CATSPERD: variants seen among roughly 807,000 people sequenced by gnomAD.
CATSPERD encodes catsper channel auxiliary subunit delta, also known as cation channel sperm-associated auxiliary subunit delta.
CATSPERD carries 86 observed loss-of-function variants against 98.1 expected under a neutral mutation model. The ratio of observed to expected loss-of-function variants is 0.88; its 90% CI spans 0.74 to 1.05. The LOEUF is 1.05. Ranked by LOEUF, CATSPERD falls within the 50% of genes least tolerant of loss-of-function variation. The probability of loss-of-function intolerance (pLI) is 0.00; values close to 1 mark genes in which losing one functional copy is unlikely to be tolerated. For missense variants in CATSPERD, 995 were observed against 1,005.7 expected (o/e 0.99, Z 0.14); for synonymous variants, 394 against 390.2 (o/e 1.01, Z -0.12).
At chr19:5,745,844 C>T in intron 8 of CATSPERD, 69 bp from the exon 9 acceptor site, 2 of 1,514,446 alleles carry the variant, frequency 1.3e-6, no homozygotes, top group South Asian at 2.5e-5. Flanking sequence ...CTCCTCTTCC[C>T]TCATTAGGAC....
intron 14 of CATSPERD, among the ~76,000 whole-genome samples, chr19:5,758,827 G>C (rs2056377508): frequency 6.6e-6 from 1 of 151,396 alleles, no homozygotes; most frequent in South Asian, 2.1e-4. Context: ...GGGAGGATGA[G>C]GCAGGAGAAT....
At chr19:5,739,482 A>T in intron 7 of CATSPERD, 43 bp downstream of exon 7, 2 of 1,117,172 alleles carry the variant, frequency 1.8e-6, no homozygotes, top group Non-Finnish European at 1.3e-6. Flanking sequence ...ATACATATGT[A>T]CCTTGTGATT....
intron 16 of CATSPERD, among the ~76,000 whole-genome samples, chr19:5,764,961 C>T (rs563008073): frequency 4.6e-5 from 7 of 151,922 alleles, no homozygotes; most frequent in Admixed American, 1.3e-4. Flanking sequence ...CCCAGGCTGC[C>T]GCACAGTAGC....
intron 13 of CATSPERD, among the ~76,000 whole-genome samples, chr19:5,757,276 A>T (rs2056340920): frequency 1.3e-5 from 2 of 148,164 alleles, no homozygotes; most frequent in African/African-American, 5.0e-5. Context: ...AGAAAATAAT[A>T]AATAAATGCA....
chr19:5,775,997 A>C (rs1226475076), intron 20 of CATSPERD, among the ~76,000 whole-genome samples, 164 bp from the exon 21 acceptor site: 1 of 152,096 alleles, frequency 6.6e-6, no homozygotes, highest in African/African-American at 2.4e-5. Context: ...TCTTCTCTGC[A>C]GGGAGCATGA....
intron 15 of CATSPERD, among the ~76,000 whole-genome samples, chr19:5,760,962 T>C (rs2056422196): frequency 1.3e-5 from 2 of 151,952 alleles, no homozygotes; most frequent in South Asian, 4.1e-4. Flanking sequence ...AATTTCTGAA[T>C]GCTGACTGAA....
At position 5,749,179 on chromosome 19, in the gene CATSPERD, TC is replaced by T; in HGVS notation, c.984del (p.Lys329AsnfsTer14). 3.1e-6 allele frequency: 5 copies of T among 1,610,626 alleles called. No homozygotes were observed. Among genetic ancestry groups the T allele is most frequent in the Non-Finnish European group, 4.2e-6 (5 of 1,178,068 alleles). On this transcript the variant is annotated frameshift_variant, in exon 11 of 22. Coordinates refer to ENST00000381624, the MANE Select transcript of CATSPERD (RefSeq NM_152784.4). LOFTEE classifies it high-confidence loss of function. ...CTGGGCATCGTGCCAAGTTCCATAA[TC>T]AAAGTAGGTAAAAAGAAAGTGGGGT... ...GNLGIVPSSI[I>X]KFADQYIWSE...
chr19:5,776,063 A>T, intron 20 of CATSPERD, 98 bp from the exon 21 acceptor site: 1 of 1,312,278 alleles, frequency 7.6e-7, no homozygotes, highest in South Asian at 1.4e-5. Context: ...GTGCCTAATG[A>T]GGACTGGGGT....
rs2056016963 is a variant in CATSPERD, at chr19:5,742,902, G to A, written c.574-1525G>A. On this transcript the variant is annotated intron_variant, in intron 7 of 21. Transcript: ENST00000381624. ...ATGGGATAGGTGGAGGGAGGGTCTT[G>A]AAGGCAGGTAGAATAATAGACCCCC... Among the ~76,000 whole-genome samples, 4 of 152,226 alleles carry A rather than the reference G, an allele frequency of 2.6e-5. No homozygotes were observed. In the South Asian group the frequency reaches 8.3e-4, roughly 31 times the overall value.
At chr19:5,739,530 C>A in intron 7 of CATSPERD, 91 bp downstream of exon 7, 1 of 753,290 alleles carries the variant, frequency 1.3e-6, no homozygotes. Context: ...AGGGTGTTTT[C>A]CTCTTTAAGA....
At chr19:5,725,861 C>T (rs1428710940) in intron 2 of CATSPERD, among the ~76,000 whole-genome samples, 1 of 151,894 alleles carries the variant, frequency 6.6e-6, no homozygotes, top group African/African-American at 2.4e-5. Flanking sequence ...GATCGTGCCA[C>T]TGCACTCCAG....
chr19:5,774,715 AAAAT>A (rs200314328), intron 20 of CATSPERD, among the ~76,000 whole-genome samples: 4,853 of 148,500 alleles, frequency 0.033, 111 homozygotes, highest in African/African-American at 0.057. Context: ...ATAAAATTTA[AAAAT>A]AAATAAATAA....
intron 19 of CATSPERD, chr19:5,772,252 G>C: frequency 5.2e-6 from 1 of 192,424 alleles, no homozygotes; most frequent in South Asian, 3.7e-5. Flanking sequence ...TTTTGAGACA[G>C]AGTCTCGCTC....
At chr19:5,759,722 G>C (rs1272093218) in intron 15 of CATSPERD, among the ~76,000 whole-genome samples, 1 of 151,934 alleles carries the variant, frequency 6.6e-6, no homozygotes, top group Non-Finnish European at 1.5e-5. Context: ...ATCACCAGAT[G>C]AAAGGATGAA....
intron 3 of CATSPERD, among the ~76,000 whole-genome samples, chr19:5,727,616 G>C (rs938485724): frequency 1.1e-4 from 17 of 152,296 alleles, no homozygotes; most frequent in Admixed American, 8.5e-4. Context: ...AAATGCCTAG[G>C]AAGTTTCCAC....
chr19:5,737,266 G>T, intron 6 of CATSPERD, 61 bp downstream of exon 6: 1 of 1,174,274 alleles, frequency 8.5e-7, no homozygotes, highest in Non-Finnish European at 1.3e-6. Flanking sequence ...AAATAATCAT[G>T]AGTAGACATA....
intron 7 of CATSPERD, among the ~76,000 whole-genome samples, chr19:5,742,196 G>A (rs925278399): frequency 1.4e-4 from 19 of 139,706 alleles, no homozygotes; most frequent in African/African-American, 2.6e-4. Context: ...ACGTGTGTGC[G>A]TGTACATGTG....
chr19:5,728,922 A>T (rs1014151917), intron 3 of CATSPERD, among the ~76,000 whole-genome samples: 1 of 150,334 alleles, frequency 6.7e-6, no homozygotes, highest in Admixed American at 6.7e-5. Flanking sequence ...CTGGTCTCGA[A>T]CTCCTGACCT....
At chr19:5,761,843 T>A (rs1189716104) in intron 15 of CATSPERD, among the ~76,000 whole-genome samples, 3 of 150,806 alleles carry the variant, frequency 2.0e-5, no homozygotes, top group Admixed American at 6.7e-5. Flanking sequence ...GCTGGGACTA[T>A]AGTTCCCGAG....
Sources: allele counts gnomAD v4.1 joint callset (sites outside exome capture counted in the v4.1 genomes callset), GRCh38; gene constraint gnomAD v4.1.1; transcripts MANE v1.5; gene names NCBI Gene and HGNC (gene_info 2026-07-23, HGNC 2026-07-21).